DNAH14: variants seen among roughly 807,000 people sequenced by gnomAD.
DNAH14 encodes dynein axonemal heavy chain 14, also known as axonemal beta dynein heavy chain 14.
A neutral mutation model predicts 520.9 loss-of-function variants in DNAH14; 478 were observed. The ratio of observed to expected loss-of-function variants is 0.92; its 90% CI spans 0.85 to 0.99. DNAH14 has a LOEUF of 0.99. DNAH14 is among the 50% of genes least tolerant of loss of function. DNAH14 has a pLI of 0.00. For synonymous variants in DNAH14, 1,581 were observed against 1,757.2 expected, an observed-to-expected ratio of 0.90 and a Z score of 2.51; for missense variants, 4,831 against 5,234.5, an observed-to-expected ratio of 0.92 and a Z score of 2.38.
Position 225,335,370 on chromosome 1 carries a change from T to TGC in DNAH14, c.10080+1865_10080+1866insCG, listed in dbSNP as rs1558427949. On this transcript the variant is annotated intron_variant, in intron 66 of 85. Coordinates refer to ENST00000682510, the MANE Select transcript of DNAH14 (RefSeq NM_001367479.1). ...GTGTATATGCATATACACGTGTACA[T>TGC]GTGTGTGTATATGCACATATACACA... 7.1e-4 allele frequency among the ~76,000 whole-genome samples: 38 copies of TGC among 53,542 alleles called. 7 individuals carry two copies. Among genetic ancestry groups the TGC allele is most frequent in the African/African-American group, 3.7e-3 (36 of 9,648 alleles). 35.1% of individuals were successfully genotyped at this position (53,542 alleles called of 152,430 possible). A position where few individuals can be genotyped will look rare whatever the true frequency, so the allele number is the denominator to read the frequency against.
rs959811937 is a variant in DNAH14 at position 225,259,086 on chromosome 1, C to T, written c.7025-35C>T. ...TGTGTTAACATGTATCATTTTCTTG[C>T]ATATACATCTAACCTTGTGTATTTT... On this transcript the variant is annotated intron_variant, in intron 45 of 85. Coordinates refer to ENST00000682510, the MANE Select transcript of DNAH14 (RefSeq NM_001367479.1). The T allele has an allele frequency of 7.9e-6, 12 of 1,510,324 alleles. No individual in the cohort carries two copies. In the African/African-American group the frequency reaches 1.6e-4, roughly 20 times the overall value. The allele number at this position is 1,510,324 out of a possible 1,614,324, so 93.6% of individuals were successfully genotyped here.
chr1:225,374,906 C>T (rs1304191341), intron 78 of DNAH14, 21 bp downstream of exon 78: 1 of 1,502,646 alleles, frequency 6.7e-7, no homozygotes, highest in Admixed American at 2.2e-5. Flanking sequence ...AATCAATCTT[C>T]TTGCATTTCT....
intron 8 of DNAH14, among the ~76,000 whole-genome samples, chr1:224,983,480 A>G (rs541966019): frequency 6.6e-5 from 10 of 152,166 alleles, no homozygotes; most frequent in Non-Finnish European, 1.3e-4. Flanking sequence ...AGCACTGAGA[A>G]CGGGAACAAG....
chr1:225,191,476 C>T (rs972579050), intron 37 of DNAH14, among the ~76,000 whole-genome samples: 4 of 151,962 alleles, frequency 2.6e-5, no homozygotes, highest in Non-Finnish European at 5.9e-5. Context: ...TGCCTCTCTC[C>T]TGCTACTTTC....
intron 44 of DNAH14, among the ~76,000 whole-genome samples, chr1:225,253,379 TAC>T (rs2092625909): frequency 6.6e-6 from 1 of 152,138 alleles, no homozygotes; most frequent in Non-Finnish European, 1.5e-5. Context: ...TCTAGAACAT[TAC>T]TTCCTCTGGC....
At chr1:225,388,621 C>T (rs2095868605) in intron 82 of DNAH14, 130 bp downstream of exon 82, 2 of 536,384 alleles carry the variant, frequency 3.7e-6, no homozygotes, top group Non-Finnish European at 6.6e-6. Context: ...GGGAGGGATT[C>T]TTATCTTCTG....
At chr1:225,283,408 T>C (rs2093667452) in intron 54 of DNAH14, among the ~76,000 whole-genome samples, 1 of 149,682 alleles carries the variant, frequency 6.7e-6, no homozygotes, top group African/African-American at 2.5e-5. Context: ...AAGTAGACTT[T>C]CAGGAAAAAA....
At chr1:225,014,479 C>T (rs1313217627) in intron 10 of DNAH14, among the ~76,000 whole-genome samples, 2 of 151,874 alleles carry the variant, frequency 1.3e-5, no homozygotes, top group South Asian at 2.1e-4. Context: ...TTGCTTTTGC[C>T]GTGTCCTATA....
chr1:225,265,104 C>A, intron 47 of DNAH14, 78 bp from the exon 48 acceptor site: 1 of 980,398 alleles, frequency 1.0e-6, no homozygotes, highest in Admixed American at 3.9e-5. Flanking sequence ...TTTCAAATTT[C>A]ATGACACATT....
rs1171032307 is a variant in DNAH14, at chr1:225,265,202, G to A, written c.7243G>A (p.Glu2415Lys). 1.9e-5 allele frequency: 28 copies of A among 1,480,468 alleles called. No homozygotes were observed. Among genetic ancestry groups the A allele is most frequent in the South Asian group, 4.2e-5 (3 of 70,766 alleles). The allele number at this position is 1,480,468 out of a possible 1,614,324, so 91.7% of individuals were successfully genotyped here. ...GSSDNPTKKP[E>K]VRTNKKLLKN... The stretch of plus-strand genomic sequence containing the variant: ...CACAGATAATCCCACTAAAAAGCCA[G>A]AAGTTAGAACTAATAAAAAGTTACT... Residue 2415 changes from glutamate to lysine, a missense_variant, in exon 48 of 86, where the codon GAA becomes AAA. Glu to Lys is a moderately conservative substitution (Grantham distance 56). Transcript: ENST00000682510.
intron 54 of DNAH14, among the ~76,000 whole-genome samples, chr1:225,279,784 G>A (rs1239846547): frequency 1.3e-5 from 2 of 151,986 alleles, no homozygotes; most frequent in South Asian, 2.1e-4. Context: ...GGAAGTGTGA[G>A]CTATACATGG....
chr1:224,952,967 G>T, intron 2 of DNAH14, 188 bp downstream of exon 2: 1 of 395,718 alleles, frequency 2.5e-6, no homozygotes, highest in Non-Finnish European at 4.5e-6. Flanking sequence ...AATTAACCCT[G>T]GTTGTTGGCT....
intron 52 of DNAH14, 21 bp downstream of exon 52, chr1:225,273,146 T>G (rs1294647090): frequency 1.3e-6 from 2 of 1,538,906 alleles, no homozygotes; most frequent in Admixed American, 4.1e-5. Flanking sequence ...ATTTTAAAAA[T>G]TATTGGCCGG....
intron 60 of DNAH14, among the ~76,000 whole-genome samples, chr1:225,311,689 C>G (rs768149679): frequency 5.8e-4 from 88 of 151,214 alleles, no homozygotes; most frequent in Non-Finnish European, 1.1e-3. Context: ...TTTCCCAACA[C>G]TATTAAATAG....
chr1:225,135,776 T>A (rs2078899647), intron 27 of DNAH14, among the ~76,000 whole-genome samples: 1 of 152,122 alleles, frequency 6.6e-6, no homozygotes, highest in Non-Finnish European at 1.5e-5. Context: ...CTCCCACTAT[T>A]ATTGTGTGGG....
intron 17 of DNAH14, among the ~76,000 whole-genome samples, chr1:225,076,793 C>G (rs182046962): frequency 1.3e-5 from 2 of 151,808 alleles, no homozygotes; most frequent in Non-Finnish European, 2.9e-5. Context: ...AAATAAAATA[C>G]CTTCTTTTTT....
intron 68 of DNAH14, 128 bp downstream of exon 68, chr1:225,338,310 CTTTTTG>C: frequency 8.0e-7 from 1 of 1,248,930 alleles, no homozygotes; most frequent in Non-Finnish European, 1.1e-6. Flanking sequence ...TTGGAATATT[CTTTTTG>C]TTTTTGTGTT....
chr1:225,335,267 C>CGT (rs752076478), intron 66 of DNAH14, among the ~76,000 whole-genome samples: 2 of 127,756 alleles, frequency 1.6e-5, no homozygotes, highest in Admixed American at 7.8e-5. Flanking sequence ...CACATATACA[C>CGT]GTGTACATTG....
rs1230374983 is a variant in DNAH14 at position 225,381,462 on chromosome 1, C to T, written c.12960C>T (p.Val4320=). The change falls in exon 81 of 86, where the codon GTC becomes GTT. Residue 4320 remains valine, a synonymous_variant. Coordinates refer to ENST00000682510, the MANE Select transcript of DNAH14 (RefSeq NM_001367479.1). ...AACGATTTGATAAGTTATTATTTGT[C>T]ATACATAAATCCTTAAAAGATCTTC... ...EIKRFDKLLF[V]IHKSLKDLQL... 2 of 1,550,406 alleles carry T rather than the reference C, an allele frequency of 1.3e-6. No homozygotes were observed. Among genetic ancestry groups the T allele is most frequent in the Admixed American group, 3.9e-5 (2 of 50,774 alleles).
Sources: gnomAD v4.1 joint callset for allele counts (sites outside exome capture counted in the v4.1 genomes callset) on GRCh38, gnomAD v4.1.1 for gene constraint, MANE v1.5 for transcripts, NCBI Gene and HGNC (gene_info 2026-07-23, HGNC 2026-07-21) for gene names.